RTN4IP1: variants seen among roughly 807,000 people sequenced by gnomAD.
The protein encoded by RTN4IP1 is NAD(P)H oxidoreductase RTN4IP1, mitochondrial.
A neutral mutation model predicts 46.6 loss-of-function variants in RTN4IP1; 32 were observed. That is an observed-to-expected ratio of 0.69 (90% CI 0.52 to 0.92). The LOEUF (loss-of-function observed/expected upper bound fraction) is 0.92. RTN4IP1 is among the 40% of genes least tolerant of loss of function. The pLI is 0.00. For synonymous variants in RTN4IP1, 167 were observed against 161.8 expected (o/e 1.03, Z -0.24); for missense variants, 424 against 485.8 (o/e 0.87, Z 1.20).
chr6:106,591,791 A>C (rs1775670054), intron 6 of RTN4IP1, among the ~76,000 whole-genome samples: 1 of 152,142 alleles, frequency 6.6e-6, no homozygotes, highest in South Asian at 2.1e-4. Context: ...AAAACACGAA[A>C]GTATGTTTTG....
chr6:106,623,093 C>T, intron 1 of RTN4IP1, 124 bp from the exon 2 acceptor site: 4 of 913,870 alleles, frequency 4.4e-6, no homozygotes, highest in Non-Finnish European at 6.7e-6. Flanking sequence ...CATTCCATTA[C>T]AAAGACACAT....
chr6:106,611,096 C>T (rs1240773928), intron 4 of RTN4IP1, among the ~76,000 whole-genome samples: 3 of 151,998 alleles, frequency 2.0e-5, no homozygotes, highest in South Asian at 2.1e-4. Context: ...AGCAAGACAT[C>T]CAGAAGTAGA....
intron 8 of RTN4IP1, among the ~76,000 whole-genome samples, chr6:106,580,884 T>C (rs1775354464): frequency 6.6e-6 from 1 of 151,782 alleles, no homozygotes. Context: ...TTAAACAAAT[T>C]ATGGTACACC....
intron 8 of RTN4IP1, among the ~76,000 whole-genome samples, chr6:106,579,272 G>A (rs1465547239): frequency 1.3e-5 from 2 of 151,684 alleles, no homozygotes; most frequent in Non-Finnish European, 2.9e-5. Flanking sequence ...TTGGCTCAGA[G>A]GATGTGCAAA....
chr6:106,589,626 C>T (rs1262123413), intron 6 of RTN4IP1, among the ~76,000 whole-genome samples: 3 of 152,060 alleles, frequency 2.0e-5, no homozygotes, highest in South Asian at 2.1e-4. Context: ...ACTCCTCTGC[C>T]CTTCACTTTC....
chr6:106,597,393 G>A (rs1775822408), intron 5 of RTN4IP1, among the ~76,000 whole-genome samples: 1 of 152,138 alleles, frequency 6.6e-6, no homozygotes, highest in Non-Finnish European at 1.5e-5. Context: ...TGTCCAGGCT[G>A]AAGTGCAGTG....
intron 1 of RTN4IP1, among the ~76,000 whole-genome samples, chr6:106,627,554 A>T (rs1776677825): frequency 6.6e-6 from 1 of 152,092 alleles, no homozygotes; most frequent in South Asian, 2.1e-4. Context: ...GAGATGAAAA[A>T]ACATGCTGAT....
rs1776173303 is a variant in RTN4IP1 at position 106,609,604 on chromosome 6, TC to T, written c.621-6683del. Among the ~76,000 whole-genome samples, 9 of 152,330 alleles carry T rather than the reference TC, an allele frequency of 5.9e-5. No homozygotes were observed. The South Asian group carries it at 1.9e-3, about 32-fold the overall frequency. On this transcript the variant is annotated intron_variant, in intron 4 of 8. Coordinates refer to ENST00000369063, the MANE Select transcript of RTN4IP1 (RefSeq NM_032730.5). ...ACTGCTACTACCTCAAGTGAGGGGATCGCCTGGCTACTTGAAAGACTGCATT... is the reference window on the plus strand; with the variant it reads ...ACTGCTACTACCTCAAGTGAGGGGATGCCTGGCTACTTGAAAGACTGCATT...
intron 8 of RTN4IP1, 69 bp downstream of exon 8, chr6:106,583,259 G>A (rs1239195163): frequency 8.0e-7 from 1 of 1,257,424 alleles, no homozygotes; most frequent in Non-Finnish European, 1.2e-6. Flanking sequence ...ACGAGGCTCA[G>A]TGGGCAGGTC....
At chr6:106,626,816 G>A (rs757510882) in intron 1 of RTN4IP1, among the ~76,000 whole-genome samples, 30 of 152,154 alleles carry the variant, frequency 2.0e-4, no homozygotes, top group Admixed American at 4.6e-4. Context: ...TCCTAAATCT[G>A]TCATCAGTTT....
At chr6:106,590,186 G>T (rs1775615815) in intron 6 of RTN4IP1, among the ~76,000 whole-genome samples, 1 of 151,974 alleles carries the variant, frequency 6.6e-6, no homozygotes. Flanking sequence ...CGGGTGTGAT[G>T]GTGGGTGCCT....
rs368235092 is a variant in RTN4IP1, at chr6:106,619,813, G to A, written c.496-487C>T. On this transcript the variant is annotated intron_variant, in intron 3 of 8. Transcript: ENST00000369063. The stretch of plus-strand genomic sequence containing the variant: ...TTTTCAGTAGAGACAGGGTTTCACC[G>A]TGTTAGCCAAGATGGTCTCGATCTC... Among the ~76,000 whole-genome samples, 55 of 151,616 alleles carry A rather than the reference G, an allele frequency of 3.6e-4. 2 individuals carry two copies. The South Asian group carries it at 0.011, about 29-fold the overall frequency.
At chr6:106,612,405 A>C (rs1776247574) in intron 4 of RTN4IP1, among the ~76,000 whole-genome samples, 2 of 149,938 alleles carry the variant, frequency 1.3e-5, no homozygotes, top group African/African-American at 2.4e-5. Context: ...AAAAAAAAAA[A>C]AAAAAAAGCT....
intron 8 of RTN4IP1, among the ~76,000 whole-genome samples, chr6:106,577,339 A>AT (rs1222998839): frequency 3.6e-5 from 5 of 137,260 alleles, no homozygotes; most frequent in African/African-American, 1.3e-4. Flanking sequence ...GTAGTGCTAT[A>AT]TGGGGGGCTG....
chr6:106,606,634 C>T (rs908599342), intron 4 of RTN4IP1, among the ~76,000 whole-genome samples: 69 of 151,832 alleles, frequency 4.5e-4, no homozygotes, highest in Admixed American at 9.2e-4. Context: ...GGGCTAGGCA[C>T]GGTGGCTCAC....
intron 5 of RTN4IP1, 64 bp from the exon 6 acceptor site, chr6:106,592,364 G>A: frequency 2.0e-6 from 3 of 1,510,530 alleles, no homozygotes; most frequent in Non-Finnish European, 2.7e-6. Flanking sequence ...TGACTGCATT[G>A]AAAAAAAAAT....
chr6:106,594,710 C>T (rs991328170), intron 5 of RTN4IP1, among the ~76,000 whole-genome samples: 1 of 152,128 alleles, frequency 6.6e-6, no homozygotes, highest in Non-Finnish European at 1.5e-5. Context: ...AAAAGTTTAT[C>T]ACCCAACAAT....
chr6:106,572,217 G>A lies in RTN4IP1; in HGVS notation c.1084-114C>T, dbSNP rs9486413. ...CCTCAAGCCACAGTCTCTCTCAAGTGTCTCTCCAGTGGACCCAGGTCAGGC... is the reference window on the plus strand; with the variant it reads ...CCTCAAGCCACAGTCTCTCTCAAGTATCTCTCCAGTGGACCCAGGTCAGGC... On this transcript the variant is annotated intron_variant, in intron 8 of 8. Coordinates refer to ENST00000369063, the MANE Select transcript of RTN4IP1 (RefSeq NM_032730.5). The A allele has an allele frequency of 0.12, 97,877 of 819,568 alleles. 6,312 individuals are homozygous for A. The highest frequency in any genetic ancestry group is 0.2 in the African/African-American group (12,045 of 58,756). 50.8% of individuals were successfully genotyped at this position (819,568 alleles called of 1,614,324 possible). A position where few individuals can be genotyped will look rare whatever the true frequency, so the allele number is the denominator to read the frequency against.
chr6:106,612,491 C>T (rs745736407), intron 4 of RTN4IP1, among the ~76,000 whole-genome samples: 2 of 151,354 alleles, frequency 1.3e-5, no homozygotes, highest in Non-Finnish European at 2.9e-5. Flanking sequence ...CCAATGAAGC[C>T]GAAGCCCTTC....
Sources: allele counts gnomAD v4.1 joint callset (sites outside exome capture counted in the v4.1 genomes callset), GRCh38; gene constraint gnomAD v4.1.1; transcripts MANE v1.5; gene names NCBI Gene and HGNC (gene_info 2026-07-23, HGNC 2026-07-21).